Variants in TCF4 observed in about 807,000 individuals in gnomAD.
TCF4 encodes the protein transcription factor 4.
In TCF4, 3 loss-of-function variants were observed where a neutral mutation model predicts 82.1. The ratio of observed to expected loss-of-function variants is 0.04; its 90% CI spans 0.02 to 0.09. TCF4 has a LOEUF of 0.09. Ranked by LOEUF, TCF4 falls within the 10% of genes least tolerant of loss-of-function variation. The pLI is 1.00. For synonymous variants in TCF4, 276 were observed against 309.6 expected, an observed-to-expected ratio of 0.89 and a Z score of 1.14; for missense variants, 518 against 852.7, an observed-to-expected ratio of 0.61 and a Z score of 4.89.
chr18:55,632,695 T>A, intron 1 of TCF4, among the ~76,000 whole-genome samples: 1 of 152,228 alleles, frequency 6.6e-6, no homozygotes, highest in East Asian at 1.9e-4. Context: ...GAGGGTAACA[T>A]CCTGATTTAA....
chr18:55,302,379 C>A (rs2068598150), intron 8 of TCF4: 1 of 1,531,140 alleles, frequency 6.5e-7, no homozygotes, highest in East Asian at 2.4e-5. Flanking sequence ...GTCAGGCAGG[C>A]TCAGGATAGA....
intron 8 of TCF4, among the ~76,000 whole-genome samples, chr18:55,292,218 A>G (rs2065257218): frequency 6.6e-6 from 1 of 152,200 alleles, no homozygotes; most frequent in Non-Finnish European, 1.5e-5. Flanking sequence ...CGGAATGAGG[A>G]GGGCATAAAT....
chr18:55,250,730 TATGG>T (rs2054790751), intron 15 of TCF4, among the ~76,000 whole-genome samples: 1 of 152,208 alleles, frequency 6.6e-6, no homozygotes, highest in Non-Finnish European at 1.5e-5. Flanking sequence ...CTCCCGTTTC[TATGG>T]ATGATCTATT....
chr18:55,321,451 T>C, intron 8 of TCF4: 3 of 689,240 alleles, frequency 4.4e-6, no homozygotes, highest in Non-Finnish European at 7.3e-6. Flanking sequence ...AAAGCATCTA[T>C]TTTTCTACTC....
At chr18:55,475,797 T>C (rs1173201398) in intron 3 of TCF4, among the ~76,000 whole-genome samples, 2 of 152,180 alleles carry the variant, frequency 1.3e-5, no homozygotes, top group Non-Finnish European at 2.9e-5. Context: ...TCTTCAATCG[T>C]TGATCATCTA....
chr18:55,590,014 G>A (rs1257629396), upstream of TCF4, among the ~76,000 whole-genome samples: 1 of 152,242 alleles, frequency 6.6e-6, no homozygotes, highest in Non-Finnish European at 1.5e-5. Flanking sequence ...GGGAGTTCCC[G>A]AGGCCGAGGT....
At chr18:55,325,066 A>G (rs2147606611) in intron 8 of TCF4, among the ~76,000 whole-genome samples, 1 of 152,362 alleles carries the variant, frequency 6.6e-6, no homozygotes, top group Non-Finnish European at 1.5e-5. Flanking sequence ...ATGCATTGGC[A>G]TAGTATTACC....
At chr18:55,347,439 G>C (rs1296661627) in intron 8 of TCF4, among the ~76,000 whole-genome samples, 1 of 152,070 alleles carries the variant, frequency 6.6e-6, no homozygotes, top group Non-Finnish European at 1.5e-5. Context: ...CTGCCTGGTG[G>C]GTCTTCTGTT....
chr18:55,245,697 C>T (rs947594799), intron 15 of TCF4, among the ~76,000 whole-genome samples: 11 of 152,168 alleles, frequency 7.2e-5, no homozygotes, highest in African/African-American at 1.9e-4. Flanking sequence ...AACGCCTTTT[C>T]TATCCTGTCT....
At chr18:55,302,340 G>A in intron 8 of TCF4, 5 of 1,330,212 alleles carry the variant, frequency 3.8e-6, no homozygotes, top group Non-Finnish European at 5.2e-6. Flanking sequence ...ACAAGTCAAA[G>A]CAGCACAGTG....
chr18:55,474,371 G>A (rs1279346868), intron 3 of TCF4, among the ~76,000 whole-genome samples: 3 of 152,090 alleles, frequency 2.0e-5, no homozygotes, highest in Non-Finnish European at 4.4e-5. Flanking sequence ...TAAGTCATCC[G>A]GTCAACTGTA....
chr18:55,369,691 G>C (rs904020438), intron 6 of TCF4, among the ~76,000 whole-genome samples: 9 of 151,816 alleles, frequency 5.9e-5, no homozygotes, highest in Non-Finnish European at 1.2e-4. Context: ...TCTAATTTTG[G>C]CATTAAGACA....
At chr18:55,583,984 G>A (rs1469822570) in intron 3 of TCF4, among the ~76,000 whole-genome samples, 1 of 151,984 alleles carries the variant, frequency 6.6e-6, no homozygotes, top group Non-Finnish European at 1.5e-5. Context: ...CAAACATATT[G>A]TCTGTCAATG....
intron 2 of TCF4, chr18:55,586,801 T>TA (rs1480581683): frequency 1.5e-5 from 7 of 469,218 alleles, no homozygotes; most frequent in Non-Finnish European, 2.7e-5. Context: ...TTATTTGGGG[T>TA]AATCAGTGGG....
chr18:55,334,672 T>C (rs1228011730), intron 8 of TCF4, among the ~76,000 whole-genome samples: 1 of 152,188 alleles, frequency 6.6e-6, no homozygotes, highest in African/African-American at 2.4e-5. Flanking sequence ...GGTTGTCAAG[T>C]TGAATTAATA....
At chr18:55,419,478 A>C (rs1465835572) in intron 5 of TCF4, among the ~76,000 whole-genome samples, 1 of 152,124 alleles carries the variant, frequency 6.6e-6, no homozygotes, top group African/African-American at 2.4e-5. Context: ...TTGTCTTGTC[A>C]AGTGTTTTTT....
At position 55,586,167 on chromosome 18, in the gene TCF4, GCAGCAGCAGCAGC is replaced by G. The variant is rs2097647495; in HGVS notation, c.73-828_73-816del. 18 of 382,004 alleles carry G rather than the reference GCAGCAGCAGCAGC, an allele frequency of 4.7e-5. 1 individual carries two copies. Among genetic ancestry groups the G allele is most frequent in the Admixed American group, 2.6e-4 (2 of 7,804 alleles). The allele number at this position is 382,004 out of a possible 1,614,324, so 23.7% of individuals were successfully genotyped here. A position where few individuals can be genotyped will look rare whatever the true frequency, so the allele number is the denominator to read the frequency against. On this transcript the variant is annotated intron_variant, in intron 2 of 19. Coordinates refer to ENST00000354452, the MANE Select transcript of TCF4 (RefSeq NM_001083962.2). ...AGGAGGAGGAGGAGCAGCAGCAGCA[GCAGCAGCAGCAGC>G]AGCAGCAGCAGCAGCAGCAGCAGCA...
At chr18:55,408,408 A>G (rs1453734664) in intron 5 of TCF4, among the ~76,000 whole-genome samples, 3 of 152,148 alleles carry the variant, frequency 2.0e-5, no homozygotes, top group Non-Finnish European at 4.4e-5. Context: ...CCCCATCCCC[A>G]GTCCCATCCA....
At position 55,585,867 on chromosome 18, in the gene TCF4, T is replaced by A. The variant is rs531406667; in HGVS notation, c.73-515A>T. 5.1e-6 allele frequency: 6 copies of A among 1,179,174 alleles called. No homozygotes were observed. In the African/African-American group the frequency reaches 9.2e-5, roughly 18 times the overall value. The allele number at this position is 1,179,174 out of a possible 1,614,324, so 73.0% of individuals were successfully genotyped here. ...GAGAGCAATTTGAAGCAAGACTCTC[T>A]CTCTCTCTCACTCTCACTCTCTCTT... On this transcript the variant is annotated intron_variant, in intron 2 of 19. Transcript: ENST00000354452.
Sources: allele counts gnomAD v4.1 joint callset (sites outside exome capture counted in the v4.1 genomes callset), GRCh38; gene constraint gnomAD v4.1.1; transcripts MANE v1.5; gene names NCBI Gene and HGNC (gene_info 2026-07-23, HGNC 2026-07-21).